The following CAPN7 variants were observed in gnomAD, a reference collection of about 807,000 sequenced individuals.
CAPN7 encodes the protein calpain 7.
A neutral mutation model predicts 115.2 loss-of-function variants in CAPN7; 72 were observed. The observed-to-expected ratio is 0.63, with a 90% CI of 0.52 to 0.76. The LOEUF (loss-of-function observed/expected upper bound fraction) is 0.76. Ranked by LOEUF, CAPN7 falls within the 30% of genes least tolerant of loss-of-function variation. CAPN7 has a pLI of 0.00. For synonymous variants in CAPN7, 344 were observed against 322.3 expected, an observed-to-expected ratio of 1.07 and a Z score of -0.72; for missense variants, 905 against 971.5, an observed-to-expected ratio of 0.93 and a Z score of 0.91.
chr3:15,235,740 CT>C (rs1388035553), intron 12 of CAPN7, among the ~76,000 whole-genome samples: 2 of 152,248 alleles, frequency 1.3e-5, no homozygotes, highest in Non-Finnish European at 2.9e-5. Flanking sequence ...GTAATGCTCA[CT>C]TGCCCACTGC....
Position 15,220,905 on chromosome 3 carries a change from C to A in CAPN7, c.562C>A (p.Pro188Thr). The A allele has an allele frequency of 1.2e-6, 2 of 1,614,138 alleles. No homozygotes were observed. The highest frequency in any genetic ancestry group is 1.7e-6 in the Non-Finnish European group (2 of 1,180,006). ...GGGCGCTAATCCCTTCCTTGAAAGA[C>A]CTCAGTCATTTATAAGTCCTCAGTC... ...PLGANPFLERPQSFISPQSCD... is the reference protein window; with the variant it reads ...PLGANPFLERTQSFISPQSCD... The change falls in exon 5 of 21, where the codon CCT becomes ACT. Residue 188 changes from proline to threonine, a missense_variant. Around this residue, in one of 3 missense-constraint regions of CAPN7, gnomAD observed 271 missense variants for 239.6 expected, o/e 1.13. Transcript: ENST00000253693.
At position 15,220,942 on chromosome 3, in the gene CAPN7, A is replaced by C; in HGVS notation, c.599A>C (p.Gln200Pro). Residue 200 changes from glutamine to proline, a missense_variant, in exon 5 of 21, where the codon CAA becomes CCA. Transcript: ENST00000253693. ...SFISPQSCDA[Q>P]GQRYTAEEIE... ...ATAAGTCCTCAGTCATGTGATGCAC[A>C]AGGACAGAGATACACAGCAGAAGAA... 2 of 1,614,110 alleles carry C rather than the reference A, an allele frequency of 1.2e-6. No homozygotes were observed. Among genetic ancestry groups the C allele is most frequent in the East Asian group, 2.2e-5 (1 of 44,886 alleles).
chr3:15,233,365 A>G (rs543397318), intron 10 of CAPN7, among the ~76,000 whole-genome samples: 2 of 152,312 alleles, frequency 1.3e-5, no homozygotes, highest in South Asian at 4.1e-4. Context: ...TGCTAGGCAA[A>G]GAATATATAG....
At chr3:15,220,360 C>T (rs1304849308) in intron 4 of CAPN7, among the ~76,000 whole-genome samples, 1 of 152,200 alleles carries the variant, frequency 6.6e-6, no homozygotes, top group African/African-American at 2.4e-5. Context: ...GCACCCTTCT[C>T]CAACTCATCC....
chr3:15,231,968 C>T (rs1694718886), intron 9 of CAPN7: 1 of 198,924 alleles, frequency 5.0e-6, no homozygotes, highest in Non-Finnish European at 1.0e-5. Context: ...GACAATAATA[C>T]TGCATTTAAA....
intron 1 of CAPN7, among the ~76,000 whole-genome samples, chr3:15,209,234 T>G (rs2044802372): frequency 6.6e-6 from 1 of 152,168 alleles, no homozygotes; most frequent in East Asian, 1.9e-4. Flanking sequence ...GGTCTCAAAC[T>G]CCCGACCTCA....
At chr3:15,248,547 A>T (rs1695807705) in intron 19 of CAPN7, among the ~76,000 whole-genome samples, 2 of 152,254 alleles carry the variant, frequency 1.3e-5, no homozygotes, top group Non-Finnish European at 2.9e-5. Context: ...CAGGAGTTGC[A>T]ATTAGGAATA....
At position 15,241,599 on chromosome 3, in the gene CAPN7, C is replaced by G. The variant is rs1695353414; in HGVS notation, c.1788+11C>G. 6.2e-7 allele frequency: 1 copy of G among 1,607,874 alleles called. No homozygotes were observed. The highest frequency in any genetic ancestry group is 8.5e-7 in the Non-Finnish European group (1 of 1,176,810). ...CACATAACAGACAAGGTACTGATAC[C>G]CTTCTAATGATATCCCATACAGAAA... On this transcript the variant is annotated intron_variant, in intron 15 of 20. Transcript: ENST00000253693.
chr3:15,242,800 A>G (rs954112410), intron 16 of CAPN7, among the ~76,000 whole-genome samples: 3 of 152,176 alleles, frequency 2.0e-5, no homozygotes, highest in Non-Finnish European at 4.4e-5. Flanking sequence ...CCTAAATACC[A>G]TTCCTTCCAC....
rs1371255781 is a variant in CAPN7, at chr3:15,240,490, G to T, written c.1425G>T (p.Gln475His). Reference sequence around the variant, plus strand: ...TTATATAGGGGCTGCGATTTATCCAGTTGAAAAATCCTTGGAGTCATTTAC... The same window carrying T: ...TTATATAGGGGCTGCGATTTATCCATTTGAAAAATCCTTGGAGTCATTTAC... ...IREFKGLRFI[Q>H]LKNPWSHLRW... The change falls in exon 13 of 21, where the codon CAG becomes CAT. Residue 475 changes from glutamine to histidine, a missense_variant. Gln to His is a conservative substitution (Grantham distance 24). Transcript: ENST00000253693. The T allele has an allele frequency of 4.3e-6, 7 of 1,610,546 alleles. No individual in the cohort carries two copies. The highest frequency in any genetic ancestry group is 1.1e-5 in the South Asian group (1 of 90,242).
intron 1 of CAPN7, among the ~76,000 whole-genome samples, chr3:15,206,816 C>A (rs900515628): frequency 6.6e-6 from 1 of 152,252 alleles, no homozygotes; most frequent in South Asian, 2.1e-4. Flanking sequence ...AGCCGCCGCT[C>A]CTCCACCTGT....
chr3:15,246,854 C>G (rs868019499), intron 18 of CAPN7, 60 bp downstream of exon 18: 1 of 1,226,688 alleles, frequency 8.2e-7, no homozygotes, highest in African/African-American at 1.5e-5. Context: ...AATTCCCTTT[C>G]CCATTTCTCT....
intron 5 of CAPN7, among the ~76,000 whole-genome samples, chr3:15,221,937 G>T (rs1372948637): frequency 6.6e-6 from 1 of 151,050 alleles, no homozygotes; most frequent in East Asian, 1.9e-4. Context: ...TTGGGCAACA[G>T]AGGGAGATCC....
At position 15,218,453 on chromosome 3, in the gene CAPN7, G is replaced by C. The variant is rs1693771288; in HGVS notation, c.370-20G>C. 3.2e-6 allele frequency: 5 copies of C among 1,571,914 alleles called. No individual in the cohort carries two copies. The South Asian group carries it at 4.6e-5, about 14-fold the overall frequency. On this transcript the variant is annotated intron_variant, in intron 3 of 20. Coordinates refer to ENST00000253693, the MANE Select transcript of CAPN7 (RefSeq NM_014296.3). ...AAAATAATTATGCTTTAAAATGTCT[G>C]TCTCTTTCTTTCTCTTAAGTCTTAT...
Position 15,217,399 on chromosome 3 carries a change from TCTGCGTA to T in CAPN7, c.212-25_212-19del. On this transcript the variant is annotated intron_variant, in intron 2 of 20. Transcript: ENST00000253693. ...CTGGCTGTATTTAGATAATACTCCT[TCTGCGTA>T]TTTTTTTTTCTATCCTAGTTCAGTC... is the stretch of plus-strand genomic sequence containing the variant. The T allele has an allele frequency of 6.4e-7, 1 of 1,561,676 alleles. No individual in the cohort carries two copies. The highest frequency in any genetic ancestry group is 1.4e-5 in the African/African-American group (1 of 71,896).
intron 5 of CAPN7, among the ~76,000 whole-genome samples, chr3:15,221,708 C>T (rs7615230): frequency 0.12 from 18,917 of 151,670 alleles, 3,937 homozygotes; most frequent in African/African-American, 0.43. Flanking sequence ...GGCAGCTCAC[C>T]CCTGCAATCC....
chr3:15,213,292 G>A (rs1053301263), intron 2 of CAPN7, among the ~76,000 whole-genome samples: 1 of 152,112 alleles, frequency 6.6e-6, no homozygotes, highest in Non-Finnish European at 1.5e-5. Flanking sequence ...TGATCTCCTT[G>A]TTTTTTCATA....
chr3:15,218,973 C>G (rs1485879953), intron 4 of CAPN7, among the ~76,000 whole-genome samples: 2 of 152,204 alleles, frequency 1.3e-5, no homozygotes, highest in Non-Finnish European at 2.9e-5. Flanking sequence ...TCAATGAAGC[C>G]TGCCCTAACC....
intron 4 of CAPN7, among the ~76,000 whole-genome samples, chr3:15,220,211 T>A (rs1371080205): frequency 6.6e-6 from 1 of 151,564 alleles, no homozygotes; most frequent in African/African-American, 2.4e-5. Flanking sequence ...AAAAAAAAAA[T>A]AAAAAATTTA....
Sources: allele counts gnomAD v4.1 joint callset (sites outside exome capture counted in the v4.1 genomes callset), GRCh38; gene constraint gnomAD v4.1.1; regional missense constraint gnomAD v4.1.1; transcripts MANE v1.5; gene names NCBI Gene and HGNC (gene_info 2026-07-23, HGNC 2026-07-21).